Variants in SLC12A3 observed in about 807,000 individuals in gnomAD.
SLC12A3 encodes Na-Cl cotransporter.
Under a neutral mutation model 121.0 loss-of-function variants are expected in SLC12A3, and 104 were observed. The observed-to-expected ratio is 0.86, with a 90% CI of 0.73 to 1.01. The LOEUF is 1.01. SLC12A3 is among the 50% of genes least tolerant of loss of function. The pLI, the probability that SLC12A3 is intolerant of heterozygous loss-of-function variation, is 0.00. For missense variants in SLC12A3, 1,328 were observed against 1,356.3 expected, an observed-to-expected ratio of 0.98 and a Z score of 0.33; for synonymous variants, 536 against 533.4, an observed-to-expected ratio of 1.00 and a Z score of -0.07.
In SLC12A3 at chr16:56,870,485, G is replaced by A. The variant is rs116686733; in HGVS notation, c.742-141G>A. The A allele has an allele frequency of 6.0e-4, 457 of 762,292 alleles. 2 individuals carry two copies. The African/African-American group carries it at 7.1e-3, about 12-fold the overall frequency. The allele number at this position is 762,292 out of a possible 1,614,324, so 47.2% of individuals were successfully genotyped here. The stretch of plus-strand genomic sequence containing the variant: ...AGGCCCGTGCAGCAGCTGCTTTGGG[G>A]ACTCGATGGCAGGGGTGGTGCTTGA... On this transcript the variant is annotated intron_variant, in intron 5 of 25. Transcript: ENST00000563236.
chr16:56,899,347 T>C (rs558064856), intron 22 of SLC12A3, among the ~76,000 whole-genome samples, 183 bp from the exon 23 acceptor site: 70 of 152,244 alleles, frequency 4.6e-4, no homozygotes, highest in African/African-American at 1.5e-3. Flanking sequence ...AAATTAGCCA[T>C]GCGTGGTGGC....
intron 25 of SLC12A3, among the ~76,000 whole-genome samples, chr16:56,908,695 A>G (rs1461062244): frequency 6.6e-6 from 1 of 152,166 alleles, no homozygotes; most frequent in Non-Finnish European, 1.5e-5. Context: ...ATTTTTTTGT[A>G]CAAAGAAAGT....
intron 18 of SLC12A3, among the ~76,000 whole-genome samples, chr16:56,888,428 GA>G (rs2055347171): frequency 6.6e-6 from 1 of 152,194 alleles, no homozygotes; most frequent in Admixed American, 6.5e-5. Context: ...GGCCAGGGGT[GA>G]TAGGGAGCAG....
intron 5 of SLC12A3, 88 bp from the exon 6 acceptor site, chr16:56,870,538 G>A (rs1336417443): frequency 5.1e-5 from 47 of 914,612 alleles, no homozygotes; most frequent in Admixed American, 2.6e-4. Flanking sequence ...AGAGTGCACC[G>A]CACAGGAGGT....
At chr16:56,904,150 A>G (rs1181955259) in intron 24 of SLC12A3, 3 of 469,594 alleles carry the variant, frequency 6.4e-6, no homozygotes, top group East Asian at 4.5e-5. Context: ...CCTGCTGGTT[A>G]TGGTCATAAA....
At position 56,879,322 on chromosome 16, in the gene SLC12A3, GT is replaced by G. The variant is rs2055206197; in HGVS notation, c.1335+99del. The G allele has an allele frequency of 2.6e-6, 4 of 1,525,586 alleles. No homozygotes were observed. In the South Asian group the frequency reaches 4.5e-5, roughly 17 times the overall value. The allele number at this position is 1,525,586 out of a possible 1,614,324, so 94.5% of individuals were successfully genotyped here. ...CCTGGAAGTTTGTTGGGGGGACATA[GT>G]TTTGGGGGTTGAGGCCTAGGCTTAG... is the stretch of plus-strand genomic sequence containing the variant. On this transcript the variant is annotated intron_variant, in intron 10 of 25. Coordinates refer to ENST00000563236, the MANE Select transcript of SLC12A3 (RefSeq NM_001126108.2).
rs150940148 is a variant in SLC12A3, at chr16:56,867,427, G to C, written c.429+211G>C. ...ACTGTGTTTCCCTAAAAAGCCACCAGGGGGCTGCACTAAACACACAAATCC... is the reference window on the plus strand; with the variant it reads ...ACTGTGTTTCCCTAAAAAGCCACCACGGGGCTGCACTAAACACACAAATCC... On this transcript the variant is annotated intron_variant, in intron 2 of 25. Transcript: ENST00000563236. 5.9e-5 allele frequency among the ~76,000 whole-genome samples: 9 copies of C among 152,352 alleles called. 1 individual carries two copies. Among genetic ancestry groups the C allele is most frequent in the Non-Finnish European group, 1.2e-4 (8 of 68,032 alleles).
rs140551719 is a variant in SLC12A3, at chr16:56,872,436, C to T, written c.938C>T (p.Ala313Val). The T allele has an allele frequency of 5.0e-5, 81 of 1,613,896 alleles. 1 individual carries two copies. Among genetic ancestry groups the T allele is most frequent in the Non-Finnish European group, 6.7e-5 (79 of 1,179,946 alleles). ...CTGATCCCCCCATCTGAGGACAAGG[C>T]CTCCAAAGGCTTCTTCAGCTACCGG... is the stretch of plus-strand genomic sequence containing the variant. ...GTLIPPSEDK[A>V]SKGFFSYRAD... The change falls in exon 7 of 26, where the codon GCC (alanine) becomes GTC (valine). Residue 313 changes from alanine (A) to valine (V), a missense_variant. Physicochemically the swap from Ala to Val is moderately conservative, Grantham distance 64. Transcript: ENST00000563236.
chr16:56,891,200 C>A (rs138600103), intron 19 of SLC12A3, among the ~76,000 whole-genome samples: 1 of 151,320 alleles, frequency 6.6e-6, no homozygotes, highest in Non-Finnish European at 1.5e-5. Flanking sequence ...ATAGCAAGAC[C>A]CCATCTCTAC....
rs2072903091 is a variant in SLC12A3 at position 56,913,371 on chromosome 16, A to C, written c.3032A>C (p.Asn1011Thr). Residue 1011 changes from asparagine (N) to threonine (T), a missense_variant, in exon 26 of 26, where the codon AAC (asparagine) becomes ACC (threonine). Physicochemically the swap from Asn to Thr is moderately conservative, Grantham distance 65. Transcript: ENST00000563236. The stretch of plus-strand genomic sequence containing the variant: ...CCTCCAGTCATCCTGATCCGAGGAA[A>C]CCAGGAAAACGTGCTCACCTTTTAC... ...LRPPVILIRG[N>T]QENVLTFYCQ 1.2e-6 allele frequency: 2 copies of C among 1,614,092 alleles called. No homozygotes were observed. Among genetic ancestry groups the C allele is most frequent in the Admixed American group, 3.3e-5 (2 of 60,010 alleles).
At chr16:56,902,531 G>GGGGGGGGGGGGCCCC in intron 24 of SLC12A3, 23 bp downstream of exon 24, 1 of 714,544 alleles carries the variant, frequency 1.4e-6, no homozygotes, top group Non-Finnish European at 2.4e-6. Flanking sequence ...GTGGGGGTGG[G>GGGGGGGGGGGGCCCC]AAACGCGACA....
chr16:56,884,774 G>T (rs1272524186), intron 14 of SLC12A3, among the ~76,000 whole-genome samples: 6 of 152,124 alleles, frequency 3.9e-5, no homozygotes, highest in East Asian at 3.9e-4. Context: ...ACTTTTTTGT[G>T]GGGGGACTGG....
At position 56,865,262 on chromosome 16, in the gene SLC12A3, G is replaced by A. The variant is rs1284858990; in HGVS notation, c.27G>A (p.Thr9=). 7 of 1,613,622 alleles carry A rather than the reference G, an allele frequency of 4.3e-6. No individual in the cohort carries two copies. In the South Asian group the frequency reaches 6.6e-5, roughly 15 times the overall value. MAELPTTE[T]PGDATLCSGR... ...TGGCAGAACTGCCCACAACAGAGAC[G>A]CCTGGGGACGCCACTTTGTGCAGCG... Residue 9 remains threonine (T), a synonymous_variant, in exon 1 of 26, where the codon ACG becomes ACA. Coordinates refer to ENST00000563236, the MANE Select transcript of SLC12A3 (RefSeq NM_001126108.2).
chr16:56,876,830 G>T (rs1244564256), intron 8 of SLC12A3, among the ~76,000 whole-genome samples: 1 of 152,190 alleles, frequency 6.6e-6, no homozygotes, highest in Non-Finnish European at 1.5e-5. Context: ...TCAGGTTGGG[G>T]TCTGTGTCTG....
chr16:56,878,041 T>TCCCCCCCCCCCCCCCCCC (rs1596904806), intron 8 of SLC12A3, 36 bp from the exon 9 acceptor site: 1 of 393,172 alleles, frequency 2.5e-6, no homozygotes, highest in Non-Finnish European at 4.9e-6. Context: ...CCTCTCTCCC[T>TCCCCCCCCCCCCCCCCCC]CCCTCCCTCC....
Position 56,913,569 on chromosome 16 carries a change from C to G in SLC12A3, c.*164C>G. The G allele has an allele frequency of 1.3e-6, 1 of 753,186 alleles. No individual in the cohort carries two copies. The highest frequency in any genetic ancestry group is 2.5e-4 in the Middle Eastern group (1 of 4,072). 46.7% of individuals were successfully genotyped at this position (753,186 alleles called of 1,614,324 possible). ...TGGTAGATTTCCAAATCTGGCTGGA[C>G]TCCACTTCCATGGGACACATTCCCT... On this transcript the variant is annotated 3_prime_UTR_variant, in exon 26 of 26. Coordinates refer to ENST00000563236, the MANE Select transcript of SLC12A3 (RefSeq NM_001126108.2).
intron 9 of SLC12A3, 133 bp from the exon 10 acceptor site, chr16:56,878,940 A>G (rs1380215625): frequency 1.9e-6 from 2 of 1,064,454 alleles, no homozygotes; most frequent in East Asian, 2.6e-5. Flanking sequence ...CTTCATTGTC[A>G]TCATTATCAT....
At chr16:56,890,151 C>T (rs2055368843) in intron 18 of SLC12A3, 123 bp from the exon 19 acceptor site, 1 of 766,510 alleles carries the variant, frequency 1.3e-6, no homozygotes, top group East Asian at 2.5e-5. Context: ...AACTGAGGCC[C>T]AGAGAACAGA....
At chr16:56,897,597 TTC>T (rs2144754921) in intron 22 of SLC12A3, among the ~76,000 whole-genome samples, 1 of 152,346 alleles carries the variant, frequency 6.6e-6, no homozygotes, top group South Asian at 2.1e-4. Context: ...AGCATCTGCC[TTC>T]TCTGTGATCT....
Sources: gnomAD v4.1 joint callset for allele counts (sites outside exome capture counted in the v4.1 genomes callset) on GRCh38, gnomAD v4.1.1 for gene constraint, MANE v1.5 for transcripts, NCBI Gene and HGNC (gene_info 2026-07-23, HGNC 2026-07-21) for gene names.